DLG5: variants seen among roughly 807,000 people sequenced by gnomAD.
DLG5 encodes the protein disks large homolog 5.
A neutral mutation model predicts 189.8 loss-of-function variants in DLG5; 48 were observed. That is an observed-to-expected ratio of 0.25 (90% CI 0.20 to 0.32). The LOEUF (loss-of-function observed/expected upper bound fraction) is 0.32, where lower values mean the gene tolerates loss of function less well. Among genes scored for constraint, DLG5 ranks in the 10% least tolerant of loss-of-function variants. The probability of loss-of-function intolerance (pLI) is 1.00; values close to 1 mark genes in which losing one functional copy is unlikely to be tolerated. For missense variants in DLG5, 2,160 were observed against 2,544.7 expected, an observed-to-expected ratio of 0.85 and a Z score of 3.25; for synonymous variants, 1,016 against 1,054.1, an observed-to-expected ratio of 0.96 and a Z score of 0.70.
At chr10:77,844,084 T>G (rs917428048) in intron 5 of DLG5, among the ~76,000 whole-genome samples, 1 of 152,174 alleles carries the variant, frequency 6.6e-6, no homozygotes, top group Non-Finnish European at 1.5e-5. Context: ...TATAAGCAGC[T>G]CTGGTACTGA....
Position 77,819,979 on chromosome 10 carries a change from C to G in DLG5, c.3442G>C (p.Glu1148Gln). 3 of 1,613,384 alleles carry G rather than the reference C, an allele frequency of 1.9e-6. No individual in the cohort carries two copies. Among genetic ancestry groups the G allele is most frequent in the Non-Finnish European group, 1.7e-6 (2 of 1,179,806 alleles). ...GAGTAAGGTGCCCACTCCTGGAGCT[C>G]CGGGGAGAGTTCTCCACTGGCCGGG... ...CVPASGELSP[E>Q]LQEWAPYSPG... Residue 1148 changes from glutamate (E) to glutamine (Q), a missense_variant, in exon 16 of 32, where the codon GAG becomes CAG. Glu to Gln is a conservative substitution (Grantham distance 29). This residue lies in a region of DLG5 where 754 missense variants were observed against 746.5 expected (regional missense o/e 1.01). Coordinates refer to ENST00000372391, the MANE Select transcript of DLG5 (RefSeq NM_004747.4).
intron 1 of DLG5, among the ~76,000 whole-genome samples, chr10:77,871,976 A>G (rs1199234475): frequency 6.6e-6 from 1 of 152,166 alleles, no homozygotes; most frequent in African/African-American, 2.4e-5. Context: ...AACCCAACAC[A>G]ATGCCTATTT....
chr10:77,817,800 G>A lies in DLG5; in HGVS notation c.3761C>T (p.Ser1254Leu). ...SEMRATHGSN[S>L]LPSSARLGSS... ...ACCCAGGCGGGCGCTGGAGGGCAGT[G>A]AGTTGGACCCATGGGTGGCTCTCAT... Residue 1254 changes from serine to leucine, a missense_variant, in exon 18 of 32, where the codon TCA becomes TTA. Coordinates refer to ENST00000372391, the MANE Select transcript of DLG5 (RefSeq NM_004747.4). The A allele has an allele frequency of 6.4e-7, 1 of 1,555,206 alleles. No individual in the cohort carries two copies. The highest frequency in any genetic ancestry group is 1.9e-5 in the Admixed American group (1 of 51,490).
chr10:77,819,683 G>A (rs561829064), intron 16 of DLG5: 14 of 1,041,530 alleles, frequency 1.3e-5, no homozygotes, highest in Non-Finnish European at 1.8e-5. Context: ...CTATTTCCCA[G>A]GTTGCTATGG....
upstream of DLG5, among the ~76,000 whole-genome samples, chr10:77,930,601 G>A (rs1226066727): frequency 6.6e-5 from 10 of 151,442 alleles, no homozygotes; most frequent in African/African-American, 1.7e-4. Context: ...CACCCGCCTC[G>A]GCCTCCCAAA....
chr10:77,924,900 G>T (rs1195415235), intron 1 of DLG5, among the ~76,000 whole-genome samples: 1 of 152,194 alleles, frequency 6.6e-6, no homozygotes, highest in African/African-American at 2.4e-5. Flanking sequence ...TAAGAGAGCT[G>T]TTACCAGGAA....
intron 27 of DLG5, among the ~76,000 whole-genome samples, chr10:77,798,717 CTGGATCGACTTA>C (rs2154574892): frequency 6.6e-6 from 1 of 152,308 alleles, no homozygotes; most frequent in Non-Finnish European, 1.5e-5. Flanking sequence ...AACACTTATT[CTGGATCGACTTA>C]TCCACTTCCC....
intron 13 of DLG5, among the ~76,000 whole-genome samples, chr10:77,826,232 G>T (rs1192257874): frequency 1.3e-5 from 2 of 152,232 alleles, no homozygotes; most frequent in African/African-American, 4.8e-5. Flanking sequence ...ATGTAAGTAA[G>T]GGCAGAGATG....
intron 31 of DLG5, chr10:77,792,892 G>A: frequency 3.4e-6 from 1 of 295,028 alleles, no homozygotes; most frequent in South Asian, 4.3e-5. Context: ...AGTTTAAGGA[G>A]CCAGATAGCT....
At position 77,822,174 on chromosome 10, in the gene DLG5, C is replaced by A; in HGVS notation, c.2383-73G>T. ...CTTGGAGCTGCCACTGAAAACCATC[C>A]CCAGAGGTAAAGCAATGGTCAGGAA... On this transcript the variant is annotated intron_variant, in intron 14 of 31. Coordinates refer to ENST00000372391, the MANE Select transcript of DLG5 (RefSeq NM_004747.4). The A allele has an allele frequency of 3.9e-6, 6 of 1,528,888 alleles. No homozygotes were observed. The South Asian group carries it at 6.4e-5, about 16-fold the overall frequency. The allele number at this position is 1,528,888 out of a possible 1,614,324, so 94.7% of individuals were successfully genotyped here.
In DLG5 at chr10:77,805,694, A is replaced by G. The variant is rs1261359003; in HGVS notation, c.5135T>C (p.Phe1712Ser). 2 of 1,613,304 alleles carry G rather than the reference A, an allele frequency of 1.2e-6. No individual in the cohort carries two copies. Among genetic ancestry groups the G allele is most frequent in the East Asian group, 4.5e-5 (2 of 44,840 alleles). The change falls in exon 27 of 32, where the codon TTT becomes TCT. Residue 1712 changes from phenylalanine (F) to serine (S), a missense_variant. Phe to Ser is a radical substitution (Grantham distance 155). Around this residue, in one of 5 missense-constraint regions of DLG5, gnomAD observed 574 missense variants for 644.2 expected, o/e 0.89. Coordinates refer to ENST00000372391, the MANE Select transcript of DLG5 (RefSeq NM_004747.4). ...AAAGAGTGGAATGGAGTCACTGGAA[A>G]AGGCATCCAAGGCGAGCAGGTCTTT... Reference protein sequence around the residue: ...DGKDLLALDAFSSDSIPLFED... With the variant: ...DGKDLLALDASSSDSIPLFED...
intron 1 of DLG5, among the ~76,000 whole-genome samples, chr10:77,897,312 C>A (rs879425039): frequency 2.0e-5 from 3 of 151,944 alleles, no homozygotes; most frequent in East Asian, 1.9e-4. Flanking sequence ...GTGGAGACTG[C>A]GCCACTGCAC....
intron 1 of DLG5, among the ~76,000 whole-genome samples, chr10:77,895,606 C>T (rs1845735170): frequency 6.6e-6 from 1 of 152,172 alleles, no homozygotes; most frequent in Admixed American, 6.5e-5. Context: ...CTGGAGAAGT[C>T]CCTCAGCTGT....
At chr10:77,800,464 C>A (rs542238173) in intron 27 of DLG5, among the ~76,000 whole-genome samples, 1 of 151,604 alleles carries the variant, frequency 6.6e-6, no homozygotes, top group Non-Finnish European at 1.5e-5. Context: ...CAGAGGGCCG[C>A]CGCTGAGGGG....
intron 5 of DLG5, among the ~76,000 whole-genome samples, chr10:77,849,754 G>C (rs1843873298): frequency 6.6e-6 from 1 of 152,232 alleles, no homozygotes; most frequent in Admixed American, 6.5e-5. Flanking sequence ...GGGTGGGAGG[G>C]AGACCTCAGT....
chr10:77,848,127 CAGGGG>C lies in DLG5; in HGVS notation c.865-4426_865-4422del, dbSNP rs534409801. Among the ~76,000 whole-genome samples, 20 of 152,246 alleles carry C rather than the reference CAGGGG, an allele frequency of 1.3e-4. No individual in the cohort carries two copies. The South Asian group carries it at 3.9e-3, about 30-fold the overall frequency. Reference sequence around the variant, plus strand: ...TTAGGAGAAATGGGTGGAAGTTGCACAGGGGAGGCACAAAGACAGCCACAGTCTAA... The same window carrying C: ...TTAGGAGAAATGGGTGGAAGTTGCACAGGCACAAAGACAGCCACAGTCTAA... On this transcript the variant is annotated intron_variant, in intron 5 of 31. Coordinates refer to ENST00000372391, the MANE Select transcript of DLG5 (RefSeq NM_004747.4).
chr10:77,856,940 C>T (rs774077806), intron 2 of DLG5, 48 bp from the exon 3 acceptor site: 8 of 1,566,004 alleles, frequency 5.1e-6, no homozygotes, highest in African/African-American at 4.0e-5. Flanking sequence ...CTGGCATTCA[C>T]GAGGCGCCCG....
intron 1 of DLG5, among the ~76,000 whole-genome samples, chr10:77,916,701 G>T (rs1446675300): frequency 6.6e-6 from 1 of 151,830 alleles, no homozygotes. Flanking sequence ...AAACAGTATG[G>T]TACCTTCTCA....
At chr10:77,904,779 A>AAT (rs1846026100) in intron 1 of DLG5, among the ~76,000 whole-genome samples, 1 of 151,712 alleles carries the variant, frequency 6.6e-6, no homozygotes, top group African/African-American at 2.4e-5. Context: ...TAAAAAAAAA[A>AAT]ACAAAAACAT....
Sources: allele counts gnomAD v4.1 joint callset (sites outside exome capture counted in the v4.1 genomes callset), GRCh38; gene constraint gnomAD v4.1.1; regional missense constraint gnomAD v4.1.1; transcripts MANE v1.5; gene names NCBI Gene and HGNC (gene_info 2026-07-23, HGNC 2026-07-21).